Variants in EYS observed in about 807,000 individuals in gnomAD.
The protein encoded by EYS is EGF-like photoreceptor maintenance factor, also known as protein eyes shut homolog.
EYS carries 250 observed loss-of-function variants against 282.1 expected under a neutral mutation model. That is an observed-to-expected ratio of 0.89 (90% CI 0.80 to 0.98). EYS has a LOEUF of 0.98. Ranked by LOEUF, EYS falls within the 50% of genes least tolerant of loss-of-function variation. The pLI is 0.00. For synonymous variants in EYS, 1,355 were observed against 1,282.9 expected, an observed-to-expected ratio of 1.06 and a Z score of -1.20; for missense variants, 4,016 against 3,709.0, an observed-to-expected ratio of 1.08 and a Z score of -2.15.
intron 41 of EYS, among the ~76,000 whole-genome samples, chr6:63,746,718 G>A (rs899517975): frequency 2.6e-5 from 4 of 152,146 alleles, no homozygotes; most frequent in African/African-American, 4.8e-5. Flanking sequence ...TTGCATAGAG[G>A]TGCTTATAGT....
In EYS at chr6:64,591,636, A is replaced by G. The variant is rs1766413903; in HGVS notation, c.4231T>C (p.Phe1411Leu). The change falls in exon 26 of 43, where the codon TTT becomes CTT. Residue 1411 changes from phenylalanine to leucine, a missense_variant. Coordinates refer to ENST00000503581, the MANE Select transcript of EYS (RefSeq NM_001142800.2). ...AAAGCAACAGTCTGACAGTTCTCAAATAATAAAGATTGTGTAGGAAAAATA... is the reference window on the plus strand; with the variant it reads ...AAAGCAACAGTCTGACAGTTCTCAAGTAATAAAGATTGTGTAGGAAAAATA... ...DFIFPTQSLL[F>L]ENCQTVALSA... The G allele has an allele frequency of 1.3e-6, 2 of 1,551,170 alleles. No homozygotes were observed. Among genetic ancestry groups the G allele is most frequent in the Non-Finnish European group, 8.7e-7 (1 of 1,146,752 alleles).
At chr6:65,271,676 G>T (rs1465715027) in intron 12 of EYS, among the ~76,000 whole-genome samples, 2 of 151,920 alleles carry the variant, frequency 1.3e-5, no homozygotes, top group Non-Finnish European at 2.9e-5. Flanking sequence ...TATGCCCCCT[G>T]GGTTCAAGAA....
At chr6:63,804,377 A>G (rs1770852943) in intron 37 of EYS, among the ~76,000 whole-genome samples, 1 of 152,198 alleles carries the variant, frequency 6.6e-6, no homozygotes, top group Non-Finnish European at 1.5e-5. Context: ...ACAACGCTGT[A>G]AGGAAATACA....
intron 13 of EYS, among the ~76,000 whole-genome samples, chr6:65,043,186 T>C (rs1772990941): frequency 6.6e-6 from 1 of 151,680 alleles, no homozygotes; most frequent in Non-Finnish European, 1.5e-5. Context: ...TTAATATATC[T>C]ATTACTTCAT....
chr6:64,275,510 G>A (rs888199300), intron 30 of EYS, among the ~76,000 whole-genome samples: 4 of 145,876 alleles, frequency 2.7e-5, no homozygotes, highest in East Asian at 2.0e-4. Flanking sequence ...GGTGTGATCC[G>A]GGTTCACGCC....
intron 22 of EYS, among the ~76,000 whole-genome samples, chr6:64,714,336 T>C (rs1562150547): frequency 1.3e-5 from 2 of 152,140 alleles, no homozygotes; most frequent in Admixed American, 6.5e-5. Flanking sequence ...TTTTCCCAGA[T>C]AAGGAATAAT....
intron 36 of EYS, among the ~76,000 whole-genome samples, chr6:63,851,308 C>G (rs1220464840): frequency 6.6e-6 from 1 of 152,176 alleles, no homozygotes; most frequent in African/African-American, 2.4e-5. Context: ...GAACTCAGCT[C>G]TGGACCAAGT....
chr6:63,775,688 AT>A (rs999774990), intron 40 of EYS, among the ~76,000 whole-genome samples: 13 of 151,792 alleles, frequency 8.6e-5, no homozygotes, highest in East Asian at 5.8e-4. Flanking sequence ...ACAAAGCACA[AT>A]TTTTTTTTCT....
chr6:64,976,032 T>C (rs1770466287), intron 14 of EYS, among the ~76,000 whole-genome samples: 1 of 151,906 alleles, frequency 6.6e-6, no homozygotes, highest in African/African-American at 2.4e-5. Context: ...CTGAAAATAT[T>C]TGCCTAACTT....
intron 26 of EYS, among the ~76,000 whole-genome samples, chr6:64,547,303 G>C (rs1764907953): frequency 6.6e-6 from 1 of 152,086 alleles, no homozygotes; most frequent in Non-Finnish European, 1.5e-5. Context: ...CCTGCTGATT[G>C]GTCCATTTTA....
At chr6:63,968,872 A>G (rs910509403) in intron 35 of EYS, among the ~76,000 whole-genome samples, 3 of 152,228 alleles carry the variant, frequency 2.0e-5, no homozygotes, top group African/African-American at 7.2e-5. Context: ...TTAGTCAGTA[A>G]TGCAAATCCA....
In EYS at chr6:64,032,635, C is replaced by T. The variant is rs893304640; in HGVS notation, c.6726-33452G>A. On this transcript the variant is annotated intron_variant, in intron 33 of 42. Coordinates refer to ENST00000503581, the MANE Select transcript of EYS (RefSeq NM_001142800.2). ...GTAGTGGGTCTCTAGATTACCTATA[C>T]ATTTGTCTGGCTTGGCTACAAATTG... Among the ~76,000 whole-genome samples, 4 of 152,312 alleles carry T rather than the reference C, an allele frequency of 2.6e-5. No homozygotes were observed. The South Asian group carries it at 6.2e-4, about 24-fold the overall frequency.
chr6:65,381,518 G>A (rs1765610236), intron 8 of EYS, among the ~76,000 whole-genome samples: 2 of 151,718 alleles, frequency 1.3e-5, no homozygotes, highest in African/African-American at 4.8e-5. Flanking sequence ...CCTAATGCAT[G>A]TGGGGCTTAA....
At chr6:63,935,811 A>G (rs1049950556) in intron 35 of EYS, among the ~76,000 whole-genome samples, 4 of 152,222 alleles carry the variant, frequency 2.6e-5, no homozygotes, top group African/African-American at 7.2e-5. Flanking sequence ...TTTACATACA[A>G]TCCTAATAAG....
intron 37 of EYS, among the ~76,000 whole-genome samples, chr6:63,793,710 C>T (rs770317062): frequency 4.6e-5 from 7 of 152,130 alleles, no homozygotes; most frequent in South Asian, 2.1e-4. Flanking sequence ...GTACCTTTAA[C>T]GGCATTTCTC....
chr6:63,798,969 ATATATATGTATATGTGTG>A (rs1415782979), intron 37 of EYS, among the ~76,000 whole-genome samples: 1,295 of 122,510 alleles, frequency 0.011, 8 homozygotes, highest in Middle Eastern at 0.013. Context: ...ATGTGTATAT[ATATATATGTATATGTGTG>A]TATATATATA....
intron 2 of EYS, among the ~76,000 whole-genome samples, chr6:65,559,191 T>G (rs1034109739): frequency 6.6e-6 from 1 of 152,154 alleles, no homozygotes; most frequent in African/African-American, 2.4e-5. Flanking sequence ...AGTTCTTTTC[T>G]GGCCAACATG....
Position 65,544,146 on chromosome 6 carries a change from T to C in EYS, c.-332-48153A>G, listed in dbSNP as rs1045065859. 5.3e-5 allele frequency among the ~76,000 whole-genome samples: 8 copies of C among 152,242 alleles called. No individual in the cohort carries two copies. The South Asian group carries it at 1.4e-3, about 28-fold the overall frequency. On this transcript the variant is annotated intron_variant, in intron 2 of 42. Transcript: ENST00000503581. ...TCCATTTAACTCTTTCATGACCACA[T>C]GGGTGGCCTTTGGTTTGTAACTTGG... is the stretch of plus-strand genomic sequence containing the variant.
chr6:65,056,084 A>G (rs1251448635), intron 13 of EYS, among the ~76,000 whole-genome samples: 2 of 151,980 alleles, frequency 1.3e-5, no homozygotes, highest in East Asian at 3.9e-4. Context: ...TCAACCATAC[A>G]TTTCCATTAG....
Sources: allele counts gnomAD v4.1 joint callset (sites outside exome capture counted in the v4.1 genomes callset), GRCh38; gene constraint gnomAD v4.1.1; transcripts MANE v1.5; gene names NCBI Gene and HGNC (gene_info 2026-07-23, HGNC 2026-07-21).